The following SLC24A4 variants were observed in gnomAD, a reference collection of about 807,000 sequenced individuals.
SLC24A4 encodes the protein sodium/potassium/calcium exchanger 4.
In SLC24A4, 53 loss-of-function variants were observed where a neutral mutation model predicts 79.0. The observed-to-expected ratio is 0.67, with a 90% CI of 0.54 to 0.84. The LOEUF is 0.84. Among genes scored for constraint, SLC24A4 ranks in the 40% least tolerant of loss-of-function variants. The pLI is 0.00. For synonymous variants in SLC24A4, 323 were observed against 323.8 expected, an observed-to-expected ratio of 1.00 and a Z score of 0.03; for missense variants, 731 against 822.0, an observed-to-expected ratio of 0.89 and a Z score of 1.35.
chr14:92,395,507 A>G (rs1566737390), intron 2 of SLC24A4, among the ~76,000 whole-genome samples: 1 of 152,170 alleles, frequency 6.6e-6, no homozygotes, highest in East Asian at 1.9e-4. Flanking sequence ...TGGGCAAATT[A>G]TGTACCTAAG....
chr14:92,459,737 A>G, intron 12 of SLC24A4, among the ~76,000 whole-genome samples: 1 of 152,058 alleles, frequency 6.6e-6, no homozygotes, highest in East Asian at 1.9e-4. Flanking sequence ...GGAGTTGTAC[A>G]GCTGCTTCTC....
intron 1 of SLC24A4, 119 bp downstream of exon 1, chr14:92,324,079 C>T (rs1188322076): frequency 7.5e-7 from 1 of 1,335,184 alleles, no homozygotes; most frequent in African/African-American, 1.5e-5. Context: ...AAGGGTTCAT[C>T]CAGTCCCCTC....
intron 2 of SLC24A4, among the ~76,000 whole-genome samples, chr14:92,426,241 C>A (rs187782043): frequency 1.3e-5 from 2 of 152,124 alleles, no homozygotes; most frequent in Admixed American, 1.3e-4. Context: ...TGGAAAAGTT[C>A]AGGAGTAGGT....
chr14:92,387,207 C>T (rs7143012), intron 2 of SLC24A4, among the ~76,000 whole-genome samples: 3,485 of 149,836 alleles, frequency 0.023, 81 homozygotes, highest in African/African-American at 0.057. Flanking sequence ...GATGGAGTCT[C>T]GCTGTGTCAC....
At chr14:92,474,707 GTGT>G in intron 12 of SLC24A4, among the ~76,000 whole-genome samples, 1 of 4,210 alleles carries the variant, frequency 2.4e-4, no homozygotes, top group Non-Finnish European at 2.6e-3. Context: ...ATATACGTGT[GTGT>G]ATATATATAT....
At chr14:92,433,126 T>C (rs1177875816) in intron 2 of SLC24A4, among the ~76,000 whole-genome samples, 1 of 152,102 alleles carries the variant, frequency 6.6e-6, no homozygotes, top group Non-Finnish European at 1.5e-5. Context: ...TCCAGAAGCT[T>C]CCAGTTTAGC....
chr14:92,388,777 G>C (rs1889307774), intron 2 of SLC24A4, among the ~76,000 whole-genome samples: 2 of 152,188 alleles, frequency 1.3e-5, no homozygotes, highest in African/African-American at 4.8e-5. Flanking sequence ...GAGGGATGTT[G>C]AGACTAGCAG....
chr14:92,393,493 G>A (rs1269677196), intron 2 of SLC24A4, among the ~76,000 whole-genome samples: 1 of 151,074 alleles, frequency 6.6e-6, no homozygotes, highest in African/African-American at 2.4e-5. Context: ...AGGTCTGGTC[G>A]CACATCCAAG....
chr14:92,445,725 A>G, intron 8 of SLC24A4, among the ~76,000 whole-genome samples: 1 of 152,250 alleles, frequency 6.6e-6, no homozygotes, highest in African/African-American at 2.4e-5. Flanking sequence ...TGAATGCTGC[A>G]GGGACAACTG....
At chr14:92,469,389 G>T (rs1231022739) in intron 12 of SLC24A4, among the ~76,000 whole-genome samples, 1 of 151,968 alleles carries the variant, frequency 6.6e-6, no homozygotes, top group Non-Finnish European at 1.5e-5. Flanking sequence ...GGCACCTGTA[G>T]TCCCAGCTAC....
chr14:92,423,967 T>C (rs1283428060), intron 2 of SLC24A4, among the ~76,000 whole-genome samples: 1 of 152,204 alleles, frequency 6.6e-6, no homozygotes, highest in Non-Finnish European at 1.5e-5. Flanking sequence ...GCAGGATTGA[T>C]TCCTCCTGGA....
chr14:92,442,418 C>T (rs1892549551), intron 5 of SLC24A4, among the ~76,000 whole-genome samples: 1 of 152,136 alleles, frequency 6.6e-6, no homozygotes, highest in Non-Finnish European at 1.5e-5. Flanking sequence ...TTTGGTTGCA[C>T]AATTCTGTGA....
At chr14:92,443,922 G>T (rs1454320529) in intron 7 of SLC24A4, among the ~76,000 whole-genome samples, 3 of 152,120 alleles carry the variant, frequency 2.0e-5, no homozygotes, top group Non-Finnish European at 4.4e-5. Flanking sequence ...CAGCTGGGTG[G>T]CGGGCTTCCC....
chr14:92,375,547 A>C (rs1888450345), intron 2 of SLC24A4, among the ~76,000 whole-genome samples: 1 of 152,262 alleles, frequency 6.6e-6, no homozygotes, highest in African/African-American at 2.4e-5. Flanking sequence ...AGGTAGAAAC[A>C]ATGTCCAAAT....
At chr14:92,492,450 G>C (rs1232048305) in intron 16 of SLC24A4, among the ~76,000 whole-genome samples, 2 of 152,172 alleles carry the variant, frequency 1.3e-5, no homozygotes, top group African/African-American at 2.4e-5. Context: ...GAGTACATAA[G>C]AAGTCCCCAG....
At position 92,482,853 on chromosome 14, in the gene SLC24A4, G is replaced by C. The variant is rs746623712; in HGVS notation, c.1422+7G>C. The C allele has an allele frequency of 3.6e-5, 58 of 1,603,508 alleles. No individual in the cohort carries two copies. The highest frequency in any genetic ancestry group is 6.7e-5 in the Admixed American group (4 of 59,384). Reference sequence around the variant, plus strand: ...CTACATCATGGTGTGGCTGGTGAGTGGGGGGAGCAGGGGGTGGACTGTGTG... The same window carrying C: ...CTACATCATGGTGTGGCTGGTGAGTCGGGGGAGCAGGGGGTGGACTGTGTG... On this transcript the variant is annotated splice_region_variant and intron_variant, in intron 13 of 16. Coordinates refer to ENST00000532405, the MANE Select transcript of SLC24A4 (RefSeq NM_153646.4).
rs935898211 is a variant in SLC24A4 at position 92,436,353 on chromosome 14, G to A, written c.318+2365G>A. Among the ~76,000 whole-genome samples, 3 of 152,094 alleles carry A rather than the reference G, an allele frequency of 2.0e-5. No individual in the cohort carries two copies. The East Asian group carries it at 5.8e-4, about 29-fold the overall frequency. ...CACTGCCACACCCATTCTATGGCTC[G>A]TTTTTGTTTCACAACAGCAGAATAG... On this transcript the variant is annotated intron_variant, in intron 3 of 16. Coordinates refer to ENST00000532405, the MANE Select transcript of SLC24A4 (RefSeq NM_153646.4).
At chr14:92,472,556 A>G (rs1353593969) in intron 12 of SLC24A4, among the ~76,000 whole-genome samples, 2 of 152,304 alleles carry the variant, frequency 1.3e-5, no homozygotes, top group South Asian at 2.1e-4. Context: ...AATCCCATCC[A>G]GGTTGCTGCA....
chr14:92,437,988 A>C (rs754878697), intron 3 of SLC24A4, among the ~76,000 whole-genome samples: 2 of 152,170 alleles, frequency 1.3e-5, no homozygotes, highest in Non-Finnish European at 2.9e-5. Context: ...CAACAAACAC[A>C]CAACAAAATG....
Sources: gnomAD v4.1 joint callset for allele counts (sites outside exome capture counted in the v4.1 genomes callset) on GRCh38, gnomAD v4.1.1 for gene constraint, MANE v1.5 for transcripts, NCBI Gene and HGNC (gene_info 2026-07-23, HGNC 2026-07-21) for gene names.